Variants in FBLN1 observed in about 807,000 individuals in gnomAD.
FBLN1 encodes fibulin 1.
FBLN1 carries 34 observed loss-of-function variants against 89.7 expected under a neutral mutation model. That is an observed-to-expected ratio of 0.38 (90% CI 0.29 to 0.50). The LOEUF is 0.50. FBLN1 is among the 20% of genes least tolerant of loss of function. FBLN1 has a pLI of 0.92. For missense variants in FBLN1, 777 were observed against 988.1 expected, an observed-to-expected ratio of 0.79 and a Z score of 2.86; for synonymous variants, 393 against 391.3, an observed-to-expected ratio of 1.00 and a Z score of -0.05.
chr22:45,548,978 G>C (rs543671559), intron 13 of FBLN1, among the ~76,000 whole-genome samples: 6 of 152,338 alleles, frequency 3.9e-5, no homozygotes, highest in Non-Finnish European at 8.8e-5. Flanking sequence ...GTCTGAGCCT[G>C]TGGCGGCTGC....
Position 45,503,068 on chromosome 22 carries a change from G to C in FBLN1, c.79+4G>C. On this transcript the variant is annotated splice_donor_region_variant and intron_variant, in intron 1 of 16. Coordinates refer to ENST00000327858, the MANE Select transcript of FBLN1 (RefSeq NM_006486.3). ...CTTGCGCTGCTGGCGGCCGGAGGTA[G>C]GGGCGTCCCGGGTCCGCCGCCCCAG... is the stretch of plus-strand genomic sequence containing the variant. The C allele has an allele frequency of 8.1e-7, 1 of 1,238,198 alleles. No individual in the cohort carries two copies. Among genetic ancestry groups the C allele is most frequent in the South Asian group, 3.5e-5 (1 of 28,342 alleles). The allele number at this position is 1,238,198 out of a possible 1,614,324, so 76.7% of individuals were successfully genotyped here.
At chr22:45,513,534 GT>G (rs2088129677) in intron 1 of FBLN1, among the ~76,000 whole-genome samples, 1 of 151,992 alleles carries the variant, frequency 6.6e-6, no homozygotes, top group East Asian at 1.9e-4. Flanking sequence ...ATTTCTAAGT[GT>G]ATGGTCCAAT....
chr22:45,531,198 T>A lies in FBLN1; in HGVS notation c.485-67T>A. On this transcript the variant is annotated intron_variant, in intron 4 of 16. Coordinates refer to ENST00000327858, the MANE Select transcript of FBLN1 (RefSeq NM_006486.3). The surrounding 1 kb of genome is among the most constrained non-coding windows in gnomAD (Gnocchi z 4.9). ...TGATAGTGACAAGAAGAGAGAATGT[T>A]GGGAGTTTCTTTTAAGATAAGATGG... The A allele has an allele frequency of 7.3e-7, 1 of 1,363,294 alleles. No individual in the cohort carries two copies. The highest frequency in any genetic ancestry group is 1.2e-5 in the South Asian group (1 of 85,956). 84.4% of individuals were successfully genotyped at this position (1,363,294 alleles called of 1,614,324 possible). A position where few individuals can be genotyped will look rare whatever the true frequency, so the allele number is the denominator to read the frequency against.
intron 2 of FBLN1, among the ~76,000 whole-genome samples, chr22:45,521,469 T>C (rs962749662): frequency 6.6e-6 from 1 of 152,230 alleles, no homozygotes; most frequent in Admixed American, 6.5e-5. Flanking sequence ...GCCTCTCAAG[T>C]GAGCTACTGA....
In FBLN1 at chr22:45,519,502, T is replaced by TA. The variant is rs534095455; in HGVS notation, c.185+717dup. 4.7e-3 allele frequency among the ~76,000 whole-genome samples: 715 copies of TA among 151,542 alleles called. 3 individuals carry two copies. Among genetic ancestry groups the TA allele is most frequent in the Non-Finnish European group, 7.0e-3 (479 of 67,950 alleles). ...AGCTGGGCGTGGTGGCATGCGCCTG[T>TA]AATCCCAGCTACTTGGGAGGCTGAG... On this transcript the variant is annotated intron_variant, in intron 2 of 16. Coordinates refer to ENST00000327858, the MANE Select transcript of FBLN1 (RefSeq NM_006486.3).
chr22:45,559,158 A>G (rs1268436452), intron 14 of FBLN1, among the ~76,000 whole-genome samples: 1 of 152,264 alleles, frequency 6.6e-6, no homozygotes, highest in Non-Finnish European at 1.5e-5. Context: ...AGAAAAAGGC[A>G]TTTGTCAAGT....
intron 14 of FBLN1, among the ~76,000 whole-genome samples, chr22:45,573,678 C>T (rs1190847401): frequency 2.2e-4 from 2 of 8,896 alleles, no homozygotes; most frequent in Non-Finnish European, 4.7e-4. Context: ...GAGACTCTGT[C>T]TCAAAAAAAA....
Position 45,550,531 on chromosome 22 carries a change from TCAA to T in FBLN1, c.1615_1617del (p.Asn539del). 2 of 1,614,136 alleles carry T rather than the reference TCAA, an allele frequency of 1.2e-6. No homozygotes were observed. The highest frequency in any genetic ancestry group is 1.7e-6 in the Non-Finnish European group (2 of 1,180,040). On this transcript the variant is annotated inframe_deletion, in exon 14 of 17. Transcript: ENST00000327858. This position sits in a 1 kb window ranked among gnomAD's most constrained non-coding sequence, Gnocchi z 8.4. The stretch of plus-strand genomic sequence containing the variant: ...GTGACTGGCATCCACAACTGCTCCA[TCAA>T]CGAGACCTGCTTCAACATCCAGGGC...
chr22:45,597,213 C>T lies in FBLN1; in HGVS notation c.1973-3094C>T, dbSNP rs1275448487. Among the ~76,000 whole-genome samples, 2 of 152,078 alleles carry T rather than the reference C, an allele frequency of 1.3e-5. No homozygotes were observed. Among genetic ancestry groups the T allele is most frequent in the East Asian group, 1.9e-4 (1 of 5,196 alleles). On this transcript the variant is annotated intron_variant, in intron 16 of 16. Transcript: ENST00000327858. The surrounding 1 kb of genome is among the most constrained non-coding windows in gnomAD (Gnocchi z 4.2). ...AGACAGGGTTTTGCCACGTTGCCCACGCTGGTCTCGAACTCATGGGCTTGT... is the reference window on the plus strand; with the variant it reads ...AGACAGGGTTTTGCCACGTTGCCCATGCTGGTCTCGAACTCATGGGCTTGT...
At position 45,580,023 on chromosome 22, in the gene FBLN1, G is replaced by C. The variant is rs955906235; in HGVS notation, c.1972+2915G>C. Among the ~76,000 whole-genome samples, 2 of 152,054 alleles carry C rather than the reference G, an allele frequency of 1.3e-5. No individual in the cohort carries two copies. Among genetic ancestry groups the C allele is most frequent in the Non-Finnish European group, 1.5e-5 (1 of 68,022 alleles). On this transcript the variant is annotated intron_variant, in intron 16 of 16. Transcript: ENST00000327858. The surrounding 1 kb of genome is among the most constrained non-coding windows in gnomAD (Gnocchi z 8.6). ...ACCGTTGCTGGGCACCTTCACCCCC[G>C]CATTCCCCAGTCCTCACAGACACTG...
At chr22:45,544,378 C>T (rs1183442472) in intron 11 of FBLN1, among the ~76,000 whole-genome samples, 5 of 152,186 alleles carry the variant, frequency 3.3e-5, no homozygotes, top group African/African-American at 4.8e-5. Context: ...TGAGCCACCG[C>T]GCCCGGCCTG....
Position 45,600,430 on chromosome 22 carries a change from C to CT in FBLN1, c.2097dup (p.Glu700Ter), listed in dbSNP as rs1569272047. The CT allele has an allele frequency of 1.2e-6, 2 of 1,614,198 alleles. No individual in the cohort carries two copies. The highest frequency in any genetic ancestry group is 1.1e-5 in the South Asian group (1 of 91,084). ...GTTGTCAACGTCCACATCTTCGTCT[C>CT]TGAGTACTGGTTCTGAGGGCTGGTC... On this transcript the variant is annotated frameshift_variant, in exon 17 of 17. Transcript: ENST00000327858. LOFTEE classifies it high-confidence loss of function.
chr22:45,527,906 G>C lies in FBLN1; in HGVS notation c.381G>C (p.Glu127Asp). The change falls in exon 4 of 17, where the codon GAG (glutamate) becomes GAC (aspartate). Residue 127 changes from glutamate (E) to aspartate (D), a missense_variant. Glu to Asp is a conservative substitution (Grantham distance 45). Transcript: ENST00000327858. ...RAAQAQGQSC[E>D]YSLMVGYQCG... ...CCCAGGCCCAGGGCCAGAGCTGCGA[G>C]TACAGCCTCATGGTTGGCTACCAGT... 1 of 1,614,204 alleles carries C rather than the reference G, an allele frequency of 6.2e-7. No homozygotes were observed.
At chr22:45,559,274 C>T (rs574482018) in intron 14 of FBLN1, among the ~76,000 whole-genome samples, 28 of 152,308 alleles carry the variant, frequency 1.8e-4, no homozygotes, top group East Asian at 7.7e-4. Context: ...GTTAAACTTA[C>T]GATAATCCGC....
intron 6 of FBLN1, 92 bp downstream of exon 6, chr22:45,533,256 A>G (rs2088433680): frequency 8.4e-7 from 1 of 1,188,386 alleles, no homozygotes; most frequent in Admixed American, 1.7e-5. Context: ...TGCCTTCTAC[A>G]ACCCAGACCC....
chr22:45,542,124 T>C, intron 9 of FBLN1, 31 bp from the exon 10 acceptor site: 1 of 1,614,060 alleles, frequency 6.2e-7, no homozygotes, highest in Non-Finnish European at 8.5e-7. Flanking sequence ...AACTAAAGGT[T>C]TTCATCATGG....
At chr22:45,584,188 G>C (rs1026532236) in intron 16 of FBLN1, among the ~76,000 whole-genome samples, 2 of 152,172 alleles carry the variant, frequency 1.3e-5, no homozygotes, top group African/African-American at 4.8e-5. Flanking sequence ...AACATAGGAT[G>C]AGAAGCCGGC....
At chr22:45,521,788 G>A (rs1602171473) in intron 2 of FBLN1, among the ~76,000 whole-genome samples, 2 of 152,304 alleles carry the variant, frequency 1.3e-5, no homozygotes, top group East Asian at 1.9e-4. Context: ...GCGGGGTGTG[G>A]CCAGCAGTGC....
intron 14 of FBLN1, chr22:45,565,198 G>C: frequency 6.6e-7 from 1 of 1,525,458 alleles, no homozygotes; most frequent in Middle Eastern, 1.7e-4. Context: ...CTCTCTGAAG[G>C]ACCAGTCTGG....
Sources: gnomAD v4.1 joint callset for allele counts (sites outside exome capture counted in the v4.1 genomes callset) on GRCh38, gnomAD v4.1.1 for gene constraint, Gnocchi (gnomAD v3.1) non-coding constraint, MANE v1.5 for transcripts, NCBI Gene and HGNC (gene_info 2026-07-23, HGNC 2026-07-21) for gene names.